The following RRP12 variants were observed in gnomAD, a reference collection of about 807,000 sequenced individuals.
RRP12 encodes the protein ribosomal RNA processing 12 homolog.
In RRP12, 78 loss-of-function variants were observed where a neutral mutation model predicts 157.3. The observed-to-expected ratio is 0.50, with a 90% CI of 0.41 to 0.60. The LOEUF is 0.60. Among genes scored for constraint, RRP12 ranks in the 20% least tolerant of loss-of-function variants. RRP12 has a pLI of 0.00. For synonymous variants in RRP12, 726 were observed against 670.9 expected (o/e 1.08, Z -1.27); for missense variants, 1,521 against 1,679.9 (o/e 0.91, Z 1.65).
chr10:97,373,104 G>A lies in RRP12; in HGVS notation c.2123C>T (p.Ala708Val), dbSNP rs140071458. Residue 708 changes from alanine to valine, a missense_variant, in exon 18 of 34, where the codon GCC (alanine) becomes GTC (valine). Ala to Val is a moderately conservative substitution (Grantham distance 64). Coordinates refer to ENST00000370992, the MANE Select transcript of RRP12 (RefSeq NM_015179.4). ...GQPVAAGDTP[A>V]PRRAVLETIR... Reference sequence around the variant, plus strand: ...GGTTTCCAGCACAGCCCGGCGAGGGGCTGGAGTGTCCCCGGCTGCCACGGG... The same window carrying A: ...GGTTTCCAGCACAGCCCGGCGAGGGACTGGAGTGTCCCCGGCTGCCACGGG... 90 of 1,614,144 alleles carry A rather than the reference G, an allele frequency of 5.6e-5. No homozygotes were observed. Among genetic ancestry groups the A allele is most frequent in the Admixed American group, 1.7e-4 (10 of 60,022 alleles).
intron 2 of RRP12, 71 bp from the exon 3 acceptor site, chr10:97,396,372 G>T: frequency 8.5e-7 from 1 of 1,178,726 alleles, no homozygotes; most frequent in Non-Finnish European, 1.3e-6. Context: ...TCCTTTCCTT[G>T]CTCCTTCACA....
At position 97,363,836 on chromosome 10, in the gene RRP12, T is replaced by A; in HGVS notation, c.3567+18A>T. ...TTAGGTCTGAAGCCCTAGCCCCCCA[T>A]CTGCAGGAACTACTCACATTCCTGA... On this transcript the variant is annotated intron_variant, in intron 30 of 33. Coordinates refer to ENST00000370992, the MANE Select transcript of RRP12 (RefSeq NM_015179.4). The A allele has an allele frequency of 6.2e-7, 1 of 1,611,316 alleles. No homozygotes were observed. The highest frequency in any genetic ancestry group is 1.7e-5 in the Admixed American group (1 of 60,008).
At chr10:97,368,304 A>C (rs1195146966) in intron 25 of RRP12, among the ~76,000 whole-genome samples, 2 of 149,096 alleles carry the variant, frequency 1.3e-5, no homozygotes, top group Non-Finnish European at 3.0e-5. Flanking sequence ...AGTGCTAGGA[A>C]TATAGGTGTG....
At chr10:97,385,627 G>C (rs985054401) in intron 9 of RRP12, among the ~76,000 whole-genome samples, 5 of 152,090 alleles carry the variant, frequency 3.3e-5, no homozygotes, top group Admixed American at 6.5e-5. Flanking sequence ...CCCTGCTCAA[G>C]GTATCTATGA....
intron 33 of RRP12, 114 bp downstream of exon 33, chr10:97,358,423 G>C: frequency 1.3e-6 from 1 of 770,676 alleles, no homozygotes; most frequent in South Asian, 1.6e-5. Context: ...AAAAAAGCTG[G>C]AAGAGACTCA....
chr10:97,371,924 C>CT (rs1844166837), intron 20 of RRP12, 149 bp downstream of exon 20: 6 of 601,790 alleles, frequency 1.0e-5, no homozygotes, highest in Non-Finnish European at 1.8e-5. Flanking sequence ...CTACACAGGA[C>CT]ACAAAGAGAA....
At chr10:97,358,313 C>A (rs755437679) in intron 33 of RRP12, among the ~76,000 whole-genome samples, 38 of 151,610 alleles carry the variant, frequency 2.5e-4, no homozygotes, top group Non-Finnish European at 4.7e-4. Flanking sequence ...AGCCTGGCGA[C>A]AGAGCAAGAC....
At chr10:97,362,144 T>C (rs1007459435) in intron 30 of RRP12, among the ~76,000 whole-genome samples, 2 of 147,812 alleles carry the variant, frequency 1.4e-5, no homozygotes, top group Non-Finnish European at 3.0e-5. Flanking sequence ...CTAAGTGCCA[T>C]GCAAGAAACC....
At position 97,366,221 on chromosome 10, in the gene RRP12, C is replaced by T; in HGVS notation, c.3404G>A (p.Gly1135Glu). The T allele has an allele frequency of 1.2e-6, 2 of 1,611,662 alleles. No individual in the cohort carries two copies. The highest frequency in any genetic ancestry group is 1.7e-6 in the Non-Finnish European group (2 of 1,179,974). ...VAQRVLATQP[G>E]PGRGRKKDHG... Reference sequence around the variant, plus strand: ...GTCCTTCTTCCTGCCCCGGCCTGGCCCTGGCTGCGTGGCTGGGGTGTAGAG... The same window carrying T: ...GTCCTTCTTCCTGCCCCGGCCTGGCTCTGGCTGCGTGGCTGGGGTGTAGAG... The change falls in exon 29 of 34, where the codon GGG (glycine) becomes GAG (glutamate). Residue 1135 changes from glycine (G) to glutamate (E), a missense_variant. Transcript: ENST00000370992.
chr10:97,370,871 C>T (rs1435769699), intron 21 of RRP12, 52 bp downstream of exon 21: 2 of 1,610,932 alleles, frequency 1.2e-6, no homozygotes, highest in African/African-American at 1.3e-5. Context: ...TGGCTCCTTT[C>T]CTGGTGTTGC....
At chr10:97,381,008 T>C in intron 12 of RRP12, 95 bp from the exon 13 acceptor site, 1 of 980,072 alleles carries the variant, frequency 1.0e-6, no homozygotes, top group South Asian at 1.4e-5. Flanking sequence ...CTACAGACGC[T>C]AGCTGGCCAG....
rs1491347209 is a variant in RRP12 at position 97,376,213 on chromosome 10, T to TTTC, written c.1799-2320_1799-2319insGAA. 7.4e-5 allele frequency among the ~76,000 whole-genome samples: 4 copies of TTTC among 54,332 alleles called. No homozygotes were observed. The East Asian group carries it at 1.2e-3, about 16-fold the overall frequency. The allele number at this position is 54,332 out of a possible 152,430, so 35.6% of individuals were successfully genotyped here. ...GGAAGACTGAATGACTTTTACTTTC[T>TTTC]TTTTTTTTTTTTTTTTTTTGAGATG... On this transcript the variant is annotated intron_variant, in intron 15 of 33. Transcript: ENST00000370992.
At chr10:97,379,918 G>C in intron 13 of RRP12, 148 bp from the exon 14 acceptor site, 2 of 642,922 alleles carry the variant, frequency 3.1e-6, no homozygotes, top group South Asian at 3.2e-5. Flanking sequence ...TTAACCACTG[G>C]TGACTGTAAA....
intron 24 of RRP12, among the ~76,000 whole-genome samples, chr10:97,369,815 G>A (rs1844091895): frequency 6.6e-6 from 1 of 152,252 alleles, no homozygotes; most frequent in Non-Finnish European, 1.5e-5. Context: ...GAGGTGCTAA[G>A]AGGCTAATCA....
chr10:97,393,451 A>G (rs1589439877), intron 4 of RRP12: 1 of 669,042 alleles, frequency 1.5e-6, no homozygotes, highest in Non-Finnish European at 2.8e-6. Flanking sequence ...TCTTGGCATA[A>G]AGGTAAATGA....
At position 97,388,518 on chromosome 10, in the gene RRP12, A is replaced by T. The variant is rs930995826; in HGVS notation, c.860T>A (p.Phe287Tyr). The change falls in exon 7 of 34, where the codon TTC (phenylalanine) becomes TAC (tyrosine). Residue 287 changes from phenylalanine to tyrosine, a missense_variant. Transcript: ENST00000370992. ...HHPAAISTAKFCIQEIEKSGG... is the reference protein window; with the variant it reads ...HHPAAISTAKYCIQEIEKSGG... ...AGACTTCTCAATCTCCTGGATGCAG[A>T]ACTTGGCAGTGGAAATGGCAGCAGG... is the stretch of plus-strand genomic sequence containing the variant. 11 of 1,614,072 alleles carry T rather than the reference A, an allele frequency of 6.8e-6. No homozygotes were observed. The highest frequency in any genetic ancestry group is 8.5e-6 in the Non-Finnish European group (10 of 1,180,040).
At chr10:97,381,533 C>G in intron 11 of RRP12, 50 bp from the exon 12 acceptor site, 1 of 1,413,706 alleles carries the variant, frequency 7.1e-7, no homozygotes, top group Non-Finnish European at 9.7e-7. Flanking sequence ...CCCCCCAGGA[C>G]CACTCTCCCC....
intron 14 of RRP12, 36 bp from the exon 15 acceptor site, chr10:97,379,450 G>A (rs950717854): frequency 1.2e-6 from 2 of 1,612,646 alleles, no homozygotes; most frequent in Non-Finnish European, 1.7e-6. Flanking sequence ...ATGAGGATGA[G>A]GGGACAGCCC....
At chr10:97,357,218 G>A in intron 33 of RRP12, 22 bp from the exon 34 acceptor site, 1 of 1,497,114 alleles carries the variant, frequency 6.7e-7, no homozygotes, top group Non-Finnish European at 9.3e-7. Context: ...AGGAACGGAA[G>A]GGTCACATCT....
Sources: allele counts gnomAD v4.1 joint callset (sites outside exome capture counted in the v4.1 genomes callset), GRCh38; gene constraint gnomAD v4.1.1; transcripts MANE v1.5; gene names NCBI Gene and HGNC (gene_info 2026-07-23, HGNC 2026-07-21).